The following MTMR7 variants were observed in gnomAD, a reference collection of about 807,000 sequenced individuals.
MTMR7 encodes the protein phosphatidylinositol-3-phosphate phosphatase MTMR7.
Under a neutral mutation model 81.2 loss-of-function variants are expected in MTMR7, and 76 were observed. The ratio of observed to expected loss-of-function variants is 0.94; its 90% CI spans 0.78 to 1.13. MTMR7 has a LOEUF of 1.13. Ranked by LOEUF, MTMR7 falls within the 50% of genes most tolerant of loss-of-function variation. MTMR7 has a pLI of 0.00. For missense variants in MTMR7, 1,044 were observed against 820.0 expected (o/e 1.27, Z -3.34); for synonymous variants, 372 against 289.8 (o/e 1.28, Z -2.88).
At chr8:17,304,281 C>G in intron 12 of MTMR7, 98 bp downstream of exon 12, 1 of 1,342,312 alleles carries the variant, frequency 7.4e-7, no homozygotes, top group Admixed American at 2.1e-5. Flanking sequence ...CAATAAAAGC[C>G]TCAAAGATCA....
chr8:17,363,696 C>T (rs887557460), intron 3 of MTMR7, among the ~76,000 whole-genome samples: 1 of 152,046 alleles, frequency 6.6e-6, no homozygotes, highest in African/African-American at 2.4e-5. Flanking sequence ...TGTCAGCCAA[C>T]AGTCATGTCA....
At chr8:17,375,220 G>T (rs945989364) in intron 1 of MTMR7, among the ~76,000 whole-genome samples, 2 of 152,110 alleles carry the variant, frequency 1.3e-5, no homozygotes, top group Non-Finnish European at 2.9e-5. Context: ...AGAGCAAACA[G>T]GACCCAAGAC....
chr8:17,324,636 A>G (rs1818577940), intron 7 of MTMR7, among the ~76,000 whole-genome samples: 1 of 152,212 alleles, frequency 6.6e-6, no homozygotes. Context: ...CTAAATGACC[A>G]TGTCGATAGC....
At position 17,297,907 on chromosome 8, in the gene MTMR7, G is replaced by C. The variant is rs532889400; in HGVS notation, c.*1955C>G. The C allele has an allele frequency of 1.1e-4, 17 of 152,066 alleles. No individual in the cohort carries two copies. The South Asian group carries it at 3.5e-3, about 31-fold the overall frequency. The allele number at this position is 152,066 out of a possible 1,614,324, so 9.4% of individuals were successfully genotyped here. A position where few individuals can be genotyped will look rare whatever the true frequency, so the allele number is the denominator to read the frequency against. ...AATGTCTGTCTTGTAAAAAAGTTGAGGGGACTAAAAGTTTATGACTCTGAT... is the reference window on the plus strand; with the variant it reads ...AATGTCTGTCTTGTAAAAAAGTTGACGGGACTAAAAGTTTATGACTCTGAT... On this transcript the variant is annotated 3_prime_UTR_variant, in exon 14 of 14. Transcript: ENST00000180173.
chr8:17,370,256 G>C (rs879788382), intron 3 of MTMR7, among the ~76,000 whole-genome samples: 1 of 151,784 alleles, frequency 6.6e-6, no homozygotes, highest in Admixed American at 6.6e-5. Flanking sequence ...AGGCATGGTA[G>C]TTCACTCCTG....
At chr8:17,303,714 A>AT (rs1420537011) in intron 12 of MTMR7, among the ~76,000 whole-genome samples, 3 of 151,036 alleles carry the variant, frequency 2.0e-5, no homozygotes, top group Non-Finnish European at 4.4e-5. Context: ...GGTTCAAGTG[A>AT]TTCTCCTGTC....
chr8:17,384,195 G>A (rs2150574092), intron 1 of MTMR7, among the ~76,000 whole-genome samples: 2 of 152,234 alleles, frequency 1.3e-5, no homozygotes, highest in Middle Eastern at 6.8e-3. Flanking sequence ...AAGATCACTT[G>A]AGGCCGACAG....
At chr8:17,385,939 T>C (rs1424012284) in intron 1 of MTMR7, among the ~76,000 whole-genome samples, 2 of 152,182 alleles carry the variant, frequency 1.3e-5, no homozygotes, top group African/African-American at 4.8e-5. Context: ...TAATAGTCAA[T>C]ACAATACAAA....
chr8:17,328,406 C>A (rs1431730493), intron 7 of MTMR7, among the ~76,000 whole-genome samples: 2 of 152,144 alleles, frequency 1.3e-5, no homozygotes, highest in African/African-American at 4.8e-5. Context: ...CCAGGCTCTT[C>A]TACGGACTGT....
chr8:17,342,159 T>C (rs772418270), intron 5 of MTMR7, among the ~76,000 whole-genome samples: 3 of 152,200 alleles, frequency 2.0e-5, no homozygotes, highest in Non-Finnish European at 4.4e-5. Flanking sequence ...ACAGAGTAGA[T>C]TGCACTGTCA....
chr8:17,334,933 A>G (rs2150535390), intron 6 of MTMR7, among the ~76,000 whole-genome samples: 1 of 152,278 alleles, frequency 6.6e-6, no homozygotes, highest in Middle Eastern at 3.4e-3. Flanking sequence ...CTACATAACC[A>G]ATGAGCGAAC....
chr8:17,334,091 A>C (rs546096584), intron 6 of MTMR7, among the ~76,000 whole-genome samples: 1 of 152,362 alleles, frequency 6.6e-6, no homozygotes, highest in Non-Finnish European at 1.5e-5. Context: ...AAAGCAAAGC[A>C]GCAACACAAA....
chr8:17,331,051 A>G, intron 7 of MTMR7, 99 bp downstream of exon 7: 1 of 1,385,432 alleles, frequency 7.2e-7, no homozygotes. Flanking sequence ...AAATTATCAC[A>G]CCTATGTAAA....
At chr8:17,404,493 C>A (rs1821520509) in intron 1 of MTMR7, among the ~76,000 whole-genome samples, 1 of 152,074 alleles carries the variant, frequency 6.6e-6, no homozygotes, top group African/African-American at 2.4e-5. Flanking sequence ...TCAGTACTAT[C>A]AGTACTATTA....
intron 1 of MTMR7, among the ~76,000 whole-genome samples, chr8:17,392,809 T>C (rs1156413152): frequency 1.3e-5 from 2 of 152,218 alleles, no homozygotes; most frequent in African/African-American, 4.8e-5. Flanking sequence ...GTAGGTCAAA[T>C]GAAATGTTTG....
chr8:17,338,508 A>G (rs1243808652), intron 6 of MTMR7, among the ~76,000 whole-genome samples: 1 of 152,186 alleles, frequency 6.6e-6, no homozygotes, highest in African/African-American at 2.4e-5. Flanking sequence ...TCTTCAGTAT[A>G]TCTAAGCAGC....
chr8:17,318,332 A>G (rs2150503151), intron 7 of MTMR7, among the ~76,000 whole-genome samples: 1 of 152,258 alleles, frequency 6.6e-6, no homozygotes, highest in African/African-American at 2.4e-5. Flanking sequence ...TGTGGAGTCC[A>G]CAGAAAAAGC....
At chr8:17,408,347 C>A (rs1196867250) in intron 1 of MTMR7, among the ~76,000 whole-genome samples, 1 of 56,912 alleles carries the variant, frequency 1.8e-5, no homozygotes, top group Non-Finnish European at 5.6e-5. Context: ...CGAGATTGCG[C>A]CACTGCAGTC....
intron 3 of MTMR7, among the ~76,000 whole-genome samples, chr8:17,370,511 C>T (rs1209509949): frequency 4.5e-5 from 6 of 132,976 alleles, no homozygotes; most frequent in Admixed American, 1.7e-4. Context: ...GCTGAGATTG[C>T]ACCACTGCAC....
Sources: gnomAD v4.1 joint callset for allele counts (sites outside exome capture counted in the v4.1 genomes callset) on GRCh38, gnomAD v4.1.1 for gene constraint, MANE v1.5 for transcripts, NCBI Gene and HGNC (gene_info 2026-07-23, HGNC 2026-07-21) for gene names.